Variants in CDK8 observed in about 807,000 individuals in gnomAD.
The protein encoded by CDK8 is cyclin dependent kinase 8, also known as cyclin-dependent kinase 8.
In CDK8, 29 loss-of-function variants were observed where a neutral mutation model predicts 71.5. That is an observed-to-expected ratio of 0.41 (90% confidence interval 0.30 to 0.55). CDK8 has a LOEUF of 0.55. Among genes scored for constraint, CDK8 ranks in the 20% least tolerant of loss-of-function variants. The pLI is 0.37. For synonymous variants in CDK8, 161 were observed against 192.1 expected (o/e 0.84, Z 1.34); for missense variants, 288 against 572.6 (o/e 0.50, Z 5.07).
intron 2 of CDK8, among the ~76,000 whole-genome samples, chr13:26,343,503 A>G (rs147742948): frequency 1.3e-3 from 198 of 152,234 alleles, no homozygotes; most frequent in African/African-American, 4.5e-3. Flanking sequence ...CCTTTTGTCT[A>G]TGGATTCGCC....
chr13:26,387,598 C>T (rs1029298493), intron 6 of CDK8, among the ~76,000 whole-genome samples: 15 of 152,170 alleles, frequency 9.9e-5, no homozygotes, highest in African/African-American at 3.4e-4. Flanking sequence ...GGATCAGCTC[C>T]TCCTGTTCAA....
rs1479767972 is a variant in CDK8, at chr13:26,401,618, C to T, written c.1263C>T (p.Asp421=). 3.7e-6 allele frequency: 6 copies of T among 1,614,006 alleles called. No individual in the cohort carries two copies. Among genetic ancestry groups the T allele is most frequent in the Middle Eastern group, 3.3e-4 (2 of 6,060 alleles). ...TTSGGLIMTS[D]YQRSNPHAAY... ...CAGGTGGACTTATCATGACCTCAGACTATCAGGTATTCCAAGTTTATTTTG... is the reference window on the plus strand; with the variant it reads ...CAGGTGGACTTATCATGACCTCAGATTATCAGGTATTCCAAGTTTATTTTG... Residue 421 remains aspartate (D), a synonymous_variant, in exon 12 of 13, where the codon GAC becomes GAT. Transcript: ENST00000381527. The surrounding 1 kb of genome is among the most constrained non-coding windows in gnomAD (Gnocchi z 4.5).
At chr13:26,318,347 A>G (rs1401564513) in intron 1 of CDK8, among the ~76,000 whole-genome samples, 1 of 152,186 alleles carries the variant, frequency 6.6e-6, no homozygotes, top group African/African-American at 2.4e-5. Context: ...TTGCTGGTTA[A>G]TTCTACCAAA....
At chr13:26,335,195 G>A (rs1298659009) in intron 1 of CDK8, among the ~76,000 whole-genome samples, 9 of 152,000 alleles carry the variant, frequency 5.9e-5, no homozygotes, top group Admixed American at 6.6e-5. Context: ...CTTAGTTTAC[G>A]TATGTCTCAT....
intron 4 of CDK8, among the ~76,000 whole-genome samples, chr13:26,355,799 AT>A (rs1187619311): frequency 6.6e-6 from 1 of 151,864 alleles, no homozygotes; most frequent in Non-Finnish European, 1.5e-5. Flanking sequence ...GCTTAAGGAC[AT>A]TTTTTTCCCC....
chr13:26,318,057 G>A (rs1256095036), intron 1 of CDK8, among the ~76,000 whole-genome samples: 1 of 151,464 alleles, frequency 6.6e-6, no homozygotes, highest in Non-Finnish European at 1.5e-5. Flanking sequence ...AAAAAAAAAA[G>A]AGCAGACTTA....
chr13:26,280,331 C>T (rs1325060153), intron 1 of CDK8, among the ~76,000 whole-genome samples: 2 of 152,090 alleles, frequency 1.3e-5, no homozygotes, highest in Non-Finnish European at 2.9e-5. Context: ...AACATTTTGC[C>T]CATTTGCCTC....
intron 2 of CDK8, among the ~76,000 whole-genome samples, chr13:26,340,915 C>T (rs1426370339): frequency 2.0e-5 from 3 of 152,072 alleles, no homozygotes; most frequent in African/African-American, 7.2e-5. Context: ...AAGAGCATTG[C>T]ATATCTTCAT....
chr13:26,367,962 G>A (rs1366004307), intron 4 of CDK8, among the ~76,000 whole-genome samples: 2 of 152,110 alleles, frequency 1.3e-5, no homozygotes, highest in East Asian at 3.9e-4. Flanking sequence ...CAGGGATTCT[G>A]GACTTATTAG....
intron 1 of CDK8, among the ~76,000 whole-genome samples, chr13:26,296,216 T>C (rs1873554834): frequency 1.3e-5 from 2 of 152,302 alleles, no homozygotes; most frequent in South Asian, 4.1e-4. Flanking sequence ...ATGGTAAGGA[T>C]ATCAGAGAGG....
intron 1 of CDK8, among the ~76,000 whole-genome samples, chr13:26,283,079 A>G (rs1872831215): frequency 6.6e-6 from 1 of 152,228 alleles, no homozygotes; most frequent in Admixed American, 6.5e-5. Context: ...AGACTTAAGA[A>G]ATGGGATAGA....
Position 26,404,152 on chromosome 13 carries a change from C to T in CDK8, c.*71C>T. On this transcript the variant is annotated 3_prime_UTR_variant, in exon 13 of 13. Transcript: ENST00000381527. ...CTGACTGTGCAGCTCTCTGCGGGAA[C>T]CTGGTATGGGCCATGAGAATGTACT... 6.4e-7 allele frequency: 1 copy of T among 1,559,568 alleles called. No individual in the cohort carries two copies. Among genetic ancestry groups the T allele is most frequent in the South Asian group, 1.2e-5 (1 of 86,052 alleles).
chr13:26,307,264 A>G (rs533563748), intron 1 of CDK8, among the ~76,000 whole-genome samples: 2 of 152,154 alleles, frequency 1.3e-5, no homozygotes, highest in African/African-American at 4.8e-5. Context: ...GAAGAGGAAG[A>G]TTATTCTGGA....
chr13:26,329,845 G>A (rs1364637210), intron 1 of CDK8, among the ~76,000 whole-genome samples: 1 of 152,058 alleles, frequency 6.6e-6, no homozygotes. Context: ...GCTGTCACCG[G>A]TAGCCATTTA....
intron 1 of CDK8, among the ~76,000 whole-genome samples, chr13:26,297,670 A>C (rs1010922494): frequency 6.6e-6 from 1 of 152,166 alleles, no homozygotes; most frequent in African/African-American, 2.4e-5. Flanking sequence ...GTTTTCCAAA[A>C]GGCCATGTCT....
chr13:26,289,602 G>A (rs1378387641), intron 1 of CDK8, among the ~76,000 whole-genome samples: 1 of 152,084 alleles, frequency 6.6e-6, no homozygotes, highest in Non-Finnish European at 1.5e-5. Flanking sequence ...CCAGGCTGCA[G>A]TGCAGTGGCG....
At chr13:26,364,415 G>A (rs1874286787) in intron 4 of CDK8, among the ~76,000 whole-genome samples, 1 of 152,050 alleles carries the variant, frequency 6.6e-6, no homozygotes, top group Non-Finnish European at 1.5e-5. Flanking sequence ...AAAAAGTTTT[G>A]GAAGCCCTTG....
intron 1 of CDK8, among the ~76,000 whole-genome samples, chr13:26,280,007 G>A (rs1326845805): frequency 1.3e-5 from 2 of 151,416 alleles, no homozygotes; most frequent in South Asian, 2.1e-4. Context: ...GTAAAGATAC[G>A]GTAAAATGTT....
intron 1 of CDK8, among the ~76,000 whole-genome samples, chr13:26,275,471 G>A (rs967092825): frequency 1.3e-5 from 2 of 152,122 alleles, no homozygotes; most frequent in Admixed American, 6.6e-5. Context: ...CTACTACAAG[G>A]TATTCTATTT....
Sources: gnomAD v4.1 joint callset for allele counts (sites outside exome capture counted in the v4.1 genomes callset) on GRCh38, gnomAD v4.1.1 for gene constraint, Gnocchi (gnomAD v3.1) non-coding constraint, MANE v1.5 for transcripts, NCBI Gene and HGNC (gene_info 2026-07-23, HGNC 2026-07-21) for gene names.